Variants in MYO15A observed in about 807,000 individuals in gnomAD.
The protein encoded by MYO15A is myosin XVA.
A neutral mutation model predicts 394.6 loss-of-function variants in MYO15A; 308 were observed. The observed-to-expected ratio is 0.78, with a 90% CI of 0.71 to 0.86. The LOEUF is 0.86. Ranked by LOEUF, MYO15A falls within the 40% of genes least tolerant of loss-of-function variation. MYO15A has a pLI of 0.00. For missense variants in MYO15A, 4,606 were observed against 4,799.1 expected (o/e 0.96, Z 1.19); for synonymous variants, 1,957 against 2,003.8 (o/e 0.98, Z 0.62).
rs149664359 is a variant in MYO15A, at chr17:18,131,040, G to A, written c.4039-199G>A. Among the ~76,000 whole-genome samples the A allele has an allele frequency of 4.2e-3, 639 of 151,940 alleles. 5 individuals are homozygous for A. The highest frequency in any genetic ancestry group is 0.015 in the African/African-American group (603 of 41,426). On this transcript the variant is annotated intron_variant, in intron 8 of 65. Transcript: ENST00000647165. ...GAAGCATGGGGCTTGCTGTGTGGGA[G>A]TTGGGCAGCATGGGGTGGGAAACAC...
chr17:18,125,968 C>G (rs1037203312), intron 4 of MYO15A, among the ~76,000 whole-genome samples: 5 of 152,182 alleles, frequency 3.3e-5, no homozygotes, highest in Non-Finnish European at 7.3e-5. Flanking sequence ...CAGAAGGGCT[C>G]TGGCCACATC....
intron 2 of MYO15A, 179 bp from the exon 3 acceptor site, chr17:18,124,304 G>T (rs2045991973): frequency 2.9e-6 from 2 of 680,258 alleles, no homozygotes; most frequent in African/African-American, 1.8e-5. Flanking sequence ...CATGTGTGAG[G>T]GTCGCATGCA....
Position 18,120,947 on chromosome 17 carries a change from C to T in MYO15A, c.2147C>T (p.Ala716Val). ...GCGCACGTGCCACCGGCGCCGCAGGCCAGCTGGTGGGCCTTCGTGGAGCCC... is the reference window on the plus strand; with the variant it reads ...GCGCACGTGCCACCGGCGCCGCAGGTCAGCTGGTGGGCCTTCGTGGAGCCC... ...APAHVPPAPQ[A>V]SWWAFVEPPA... Residue 716 changes from alanine to valine, a missense_variant, in exon 2 of 66, where the codon GCC becomes GTC. This residue lies in a region of MYO15A where 1,830 missense variants were observed against 1,689.7 expected (regional missense o/e 1.08). Coordinates refer to ENST00000647165, the MANE Select transcript of MYO15A (RefSeq NM_016239.4). 2 of 1,479,042 alleles carry T rather than the reference C, an allele frequency of 1.4e-6. No homozygotes were observed. The highest frequency in any genetic ancestry group is 1.8e-6 in the Non-Finnish European group (2 of 1,120,860). 91.6% of individuals were successfully genotyped at this position (1,479,042 alleles called of 1,614,324 possible).
intron 12 of MYO15A, among the ~76,000 whole-genome samples, chr17:18,134,199 A>G (rs1416627634): frequency 2.6e-5 from 4 of 151,566 alleles, no homozygotes; most frequent in Admixed American, 2.6e-4. Flanking sequence ...CATGTTGGCC[A>G]GGATGGTCTC....
intron 64 of MYO15A, chr17:18,172,562 T>A: frequency 1.9e-6 from 1 of 514,036 alleles, no homozygotes; most frequent in Non-Finnish European, 3.5e-6. Context: ...GTGCTTAGGC[T>A]GCCATAATAA....
chr17:18,179,095 C>T lies in MYO15A; in HGVS notation c.*225C>T, dbSNP rs2047055110. ...AACTTGGATCAGATAGCAGGAGGAA[C>T]TTTCAAAAGTCTGGCCCACTGTGCA... On this transcript the variant is annotated 3_prime_UTR_variant, in exon 66 of 66. Coordinates refer to ENST00000647165, the MANE Select transcript of MYO15A (RefSeq NM_016239.4). 10 of 610,458 alleles carry T rather than the reference C, an allele frequency of 1.6e-5. No homozygotes were observed. The highest frequency in any genetic ancestry group is 2.9e-5 in the Non-Finnish European group (10 of 340,814). 37.8% of individuals were successfully genotyped at this position (610,458 alleles called of 1,614,324 possible). A position where few individuals can be genotyped will look rare whatever the true frequency, so the allele number is the denominator to read the frequency against.
At chr17:18,142,896 C>T in intron 25 of MYO15A, 56 bp downstream of exon 25, 1 of 1,510,024 alleles carries the variant, frequency 6.6e-7, no homozygotes, top group Non-Finnish European at 9.0e-7. Flanking sequence ...GGAAAGGGCA[C>T]TTAGCACCCA....
Position 18,149,580 on chromosome 17 carries a change from G to A in MYO15A, c.7212G>A (p.Ala2404=), listed in dbSNP as rs200000232. 131 of 1,613,548 alleles carry A rather than the reference G, an allele frequency of 8.1e-5. No individual in the cohort carries two copies. Among genetic ancestry groups the A allele is most frequent in the Non-Finnish European group, 9.0e-5 (106 of 1,179,616 alleles). Residue 2404 remains alanine (A), a splice_region_variant and synonymous_variant, in exon 35 of 66, where the codon GCG becomes GCA. Transcript: ENST00000647165. ...LFDPVLSYGD[A]DLEKPTAIAY... Reference sequence around the variant, plus strand: ...ACCCTGTGCTGTCCTACGGGGATGCGGTAGGGATGGTGTGGGGTGGGTCAT... The same window carrying A: ...ACCCTGTGCTGTCCTACGGGGATGCAGTAGGGATGGTGTGGGGTGGGTCAT...
rs543184897 is a variant in MYO15A at position 18,153,414 on chromosome 17, T to G, written c.7967-361T>G. The G allele has an allele frequency of 5.1e-5, 8 of 156,056 alleles. No homozygotes were observed. The highest frequency in any genetic ancestry group is 4.6e-4 in the Admixed American group (7 of 15,356). The allele number at this position is 156,056 out of a possible 1,614,324, so 9.7% of individuals were successfully genotyped here. A position where few individuals can be genotyped will look rare whatever the true frequency, so the allele number is the denominator to read the frequency against. ...CCCATTTCATCCTAGGAGGTGCCTG[T>G]GGCCGGGCGCAGTAGCTCATGCCTG... On this transcript the variant is annotated intron_variant, in intron 42 of 65. Transcript: ENST00000647165. This position sits in a 1 kb window ranked among gnomAD's most constrained non-coding sequence, Gnocchi z 4.1.
intron 16 of MYO15A, 35 bp downstream of exon 16, chr17:18,137,714 T>C (rs1209418303): frequency 1.2e-6 from 2 of 1,602,950 alleles, no homozygotes; most frequent in Non-Finnish European, 1.7e-6. Context: ...TGTCCCTGTC[T>C]TGACTGGCCA....
chr17:18,172,203 C>A lies in MYO15A; in HGVS notation c.10263C>A (p.Ile3421=). Residue 3421 remains isoleucine (I), a synonymous_variant, in exon 64 of 66, where the codon ATC becomes ATA. Transcript: ENST00000647165. ...LPMFGSSFFF[I]QSCSNIAVPA... ...TGTTCGGCTCCTCCTTCTTCTTCAT[C>A]CAGAGCTGCAGCAACATTGCTGTGC... 2.5e-6 allele frequency: 4 copies of A among 1,614,238 alleles called. No individual in the cohort carries two copies. Among genetic ancestry groups the A allele is most frequent in the Non-Finnish European group, 2.5e-6 (3 of 1,180,048 alleles).
At position 18,131,273 on chromosome 17, in the gene MYO15A, G is replaced by A. The variant is rs2046158186; in HGVS notation, c.4073G>A (p.Gly1358Asp). The A allele has an allele frequency of 1.2e-6, 2 of 1,614,106 alleles. No individual in the cohort carries two copies. Among genetic ancestry groups the A allele is most frequent in the Non-Finnish European group, 1.7e-6 (2 of 1,179,988 alleles). ...GCAACACCCCTCTTGGAGTCCTTCG[G>A]TAATGCCAAAACCGTCAGGAACGAC... ...LEATPLLESF[G>D]NAKTVRNDNS... The change falls in exon 9 of 66, where the codon GGT (glycine) becomes GAT (aspartate). Residue 1358 changes from glycine to aspartate, a missense_variant. Around this residue, in one of 2 missense-constraint regions of MYO15A, gnomAD observed 2,776 missense variants for 3,109.3 expected, o/e 0.89. Coordinates refer to ENST00000647165, the MANE Select transcript of MYO15A (RefSeq NM_016239.4).
rs528879429 is a variant in MYO15A, at chr17:18,166,280, T to A, written c.9788-81T>A. 9.5e-6 allele frequency: 15 copies of A among 1,571,418 alleles called. No individual in the cohort carries two copies. In the South Asian group the frequency reaches 1.7e-4, roughly 17 times the overall value. On this transcript the variant is annotated intron_variant, in intron 60 of 65. Transcript: ENST00000647165. ...ACCTCACCTGGGTAGCAGATTGGGGTCTGCACACATGCTCTGTACAGGTGC... is the reference window on the plus strand; with the variant it reads ...ACCTCACCTGGGTAGCAGATTGGGGACTGCACACATGCTCTGTACAGGTGC...
intron 59 of MYO15A, 100 bp from the exon 60 acceptor site, chr17:18,163,642 T>A: frequency 9.2e-7 from 1 of 1,088,530 alleles, no homozygotes; most frequent in Non-Finnish European, 1.4e-6. Context: ...TGAAGAGGGC[T>A]GAGGAACTCC....
chr17:18,172,532 C>T, intron 64 of MYO15A: 1 of 600,022 alleles, frequency 1.7e-6, no homozygotes, highest in Non-Finnish European at 3.0e-6. Context: ...ATACTCTATG[C>T]ACTCAAATAG....
intron 12 of MYO15A, among the ~76,000 whole-genome samples, chr17:18,135,210 G>A (rs1001695997): frequency 2.6e-5 from 4 of 151,988 alleles, no homozygotes; most frequent in South Asian, 2.1e-4. Flanking sequence ...CACTCTTGTC[G>A]CCCAGGCTGG....
chr17:18,170,632 TTACAGGTGTAA>T (rs1422167593), intron 62 of MYO15A, among the ~76,000 whole-genome samples: 1 of 152,012 alleles, frequency 6.6e-6, no homozygotes, highest in African/African-American at 2.4e-5. Context: ...AGTGTTGAGA[TTACAGGTGTAA>T]TCTCAACGCT....
Position 18,171,758 on chromosome 17 carries a change from T to G in MYO15A, c.10203T>G (p.Arg3401=). 1 of 1,610,342 alleles carries G rather than the reference T, an allele frequency of 6.2e-7. No homozygotes were observed. Among genetic ancestry groups the G allele is most frequent in the Non-Finnish European group, 8.5e-7 (1 of 1,179,870 alleles). The stretch of plus-strand genomic sequence containing the variant: ...AGGCGCTCAGCCCCCACCAGGCCCG[T>G]GCCCAGTTTCTGGGTAAGAGCTGCA... ...QTQALSPHQA[R]AQFLGLLSAL... Residue 3401 remains arginine, a synonymous_variant, in exon 63 of 66, where the codon CGT becomes CGG. Transcript: ENST00000647165.
intron 44 of MYO15A, 23 bp downstream of exon 44, chr17:18,154,213 T>C (rs757400440): frequency 6.2e-7 from 1 of 1,613,388 alleles, no homozygotes; most frequent in South Asian, 1.1e-5. Context: ...CTCCCCTTTC[T>C]GCCTCAGTGA....
Sources: gnomAD v4.1 joint callset for allele counts (sites outside exome capture counted in the v4.1 genomes callset) on GRCh38, gnomAD v4.1.1 for gene constraint, gnomAD v4.1.1 regional missense constraint, Gnocchi (gnomAD v3.1) non-coding constraint, MANE v1.5 for transcripts, NCBI Gene and HGNC (gene_info 2026-07-23, HGNC 2026-07-21) for gene names.